EPC2: variants seen among roughly 807,000 people sequenced by gnomAD.
EPC2 encodes enhancer of polycomb homolog 2.
Under a neutral mutation model 92.1 loss-of-function variants are expected in EPC2, and 14 were observed. The observed-to-expected ratio is 0.15, with a 90% CI of 0.10 to 0.24. The LOEUF is 0.24. EPC2 is among the 10% of genes least tolerant of loss of function. The pLI, the probability that EPC2 is intolerant of heterozygous loss-of-function variation, is 1.00. For synonymous variants in EPC2, 340 were observed against 334.7 expected, an observed-to-expected ratio of 1.02 and a Z score of -0.17; for missense variants, 755 against 971.5, an observed-to-expected ratio of 0.78 and a Z score of 2.96.
chr2:148,689,599 G>A (rs774062107), intron 1 of EPC2, among the ~76,000 whole-genome samples: 14 of 152,136 alleles, frequency 9.2e-5, no homozygotes, highest in Non-Finnish European at 1.5e-4. Context: ...GGGCCATTGT[G>A]GGGGAAGGGA....
chr2:148,681,106 A>G (rs1004228214), intron 1 of EPC2, among the ~76,000 whole-genome samples: 3 of 152,230 alleles, frequency 2.0e-5, no homozygotes, highest in African/African-American at 7.2e-5. Context: ...ACTGGGGACA[A>G]AGTGGTAGAT....
intron 2 of EPC2, among the ~76,000 whole-genome samples, chr2:148,716,627 G>T (rs1320300096): frequency 1.3e-5 from 2 of 152,172 alleles, no homozygotes; most frequent in Non-Finnish European, 2.9e-5. Context: ...TTTTTGATGT[G>T]CTGCTAGATT....
chr2:148,707,528 A>G (rs1471403150), intron 2 of EPC2, among the ~76,000 whole-genome samples: 2 of 152,224 alleles, frequency 1.3e-5, no homozygotes, highest in Non-Finnish European at 2.9e-5. Context: ...TCTCCACCCC[A>G]AATCAACAGA....
At chr2:148,776,085 T>G (rs900938387) in intron 10 of EPC2, among the ~76,000 whole-genome samples, 1 of 151,898 alleles carries the variant, frequency 6.6e-6, no homozygotes, top group Admixed American at 6.6e-5. Flanking sequence ...CCGGCCAATA[T>G]GACTAATTTC....
intron 2 of EPC2, among the ~76,000 whole-genome samples, chr2:148,736,052 C>G (rs1022642538): frequency 3.3e-5 from 5 of 152,020 alleles, no homozygotes; most frequent in Non-Finnish European, 7.4e-5. Flanking sequence ...TAATGTAAAT[C>G]AAGCAGGAAT....
At chr2:148,686,605 G>A (rs1681531264) in intron 1 of EPC2, among the ~76,000 whole-genome samples, 1 of 152,172 alleles carries the variant, frequency 6.6e-6, no homozygotes, top group South Asian at 2.1e-4. Context: ...TTACAAAATG[G>A]ATTTCTTAAA....
intron 2 of EPC2, among the ~76,000 whole-genome samples, chr2:148,739,833 CTTTTTTT>C (rs144868417): frequency 6.2e-5 from 5 of 81,294 alleles, no homozygotes; most frequent in African/African-American, 9.2e-5. Flanking sequence ...TCTTCTTCTT[CTTTTTTT>C]TTTTTTTTTT....
At chr2:148,672,083 C>G (rs1681165614) in intron 1 of EPC2, among the ~76,000 whole-genome samples, 1 of 152,046 alleles carries the variant, frequency 6.6e-6, no homozygotes, top group African/African-American at 2.4e-5. Context: ...TGGTCCTAGG[C>G]TTTTCTTTGT....
chr2:148,713,106 C>A (rs1682185986), intron 2 of EPC2, among the ~76,000 whole-genome samples: 1 of 152,156 alleles, frequency 6.6e-6, no homozygotes, highest in African/African-American at 2.4e-5. Context: ...CTATTCTATA[C>A]TTTTTAATCG....
intron 1 of EPC2, among the ~76,000 whole-genome samples, chr2:148,658,590 T>G (rs1003275031): frequency 1.1e-4 from 11 of 98,414 alleles, no homozygotes; most frequent in Middle Eastern, 4.4e-3. Flanking sequence ...TAATGAAGAT[T>G]AGCTGTGTGT....
chr2:148,779,351 G>T (rs1286477233), intron 10 of EPC2, among the ~76,000 whole-genome samples: 2 of 152,168 alleles, frequency 1.3e-5, no homozygotes, highest in Admixed American at 6.5e-5. Flanking sequence ...GGAGACTGAG[G>T]CAGGAAGATC....
At chr2:148,689,855 A>C (rs1337724789) in intron 1 of EPC2, among the ~76,000 whole-genome samples, 1 of 152,212 alleles carries the variant, frequency 6.6e-6, no homozygotes, top group East Asian at 1.9e-4. Context: ...ATACAAATTT[A>C]TTTCCTGTAA....
At chr2:148,669,821 C>T (rs1681120481) in intron 1 of EPC2, among the ~76,000 whole-genome samples, 1 of 152,124 alleles carries the variant, frequency 6.6e-6, no homozygotes, top group Non-Finnish European at 1.5e-5. Flanking sequence ...ACTACTGAAT[C>T]AGTATTTTTT....
In EPC2 at chr2:148,644,769, G is replaced by A; in HGVS notation, c.-249G>A. The A allele has an allele frequency of 1.2e-5, 5 of 416,534 alleles. No homozygotes were observed. The South Asian group carries it at 1.4e-4, about 12-fold the overall frequency. 25.8% of individuals were successfully genotyped at this position (416,534 alleles called of 1,614,324 possible). On this transcript the variant is annotated 5_prime_UTR_variant, in exon 1 of 14. Coordinates refer to ENST00000258484, the MANE Select transcript of EPC2 (RefSeq NM_015630.4). The stretch of plus-strand genomic sequence containing the variant: ...CCGCTGTGGTAATGTCCGCCATGTT[G>A]GCCATGGCGCAGGGAGCGGATCGGG...
chr2:148,670,223 G>A (rs1268008848), intron 1 of EPC2, among the ~76,000 whole-genome samples: 1 of 152,156 alleles, frequency 6.6e-6, no homozygotes, highest in South Asian at 2.1e-4. Flanking sequence ...TTCTCTTAAA[G>A]AGCACTGGCC....
intron 2 of EPC2, among the ~76,000 whole-genome samples, chr2:148,691,143 A>G (rs1681637448): frequency 6.6e-6 from 1 of 152,192 alleles, no homozygotes; most frequent in East Asian, 1.9e-4. Context: ...CACCACCTCT[A>G]GCGTGAAGAC....
At chr2:148,773,092 T>A (rs78146744) in intron 10 of EPC2, among the ~76,000 whole-genome samples, 1 of 152,222 alleles carries the variant, frequency 6.6e-6, no homozygotes, top group Non-Finnish European at 1.5e-5. Context: ...AACTCTAGAT[T>A]TAACTTGACT....
intron 2 of EPC2, chr2:148,692,463 T>G (rs1681665168): frequency 2.0e-5 from 3 of 152,258 alleles, no homozygotes; most frequent in Admixed American, 2.0e-4. Flanking sequence ...TGAATTGTTT[T>G]AAAATGGCTT....
Position 148,690,218 on chromosome 2 carries a change from A to G in EPC2, c.158A>G (p.His53Arg). The G allele has an allele frequency of 1.3e-6, 2 of 1,591,392 alleles. No individual in the cohort carries two copies. Among genetic ancestry groups the G allele is most frequent in the South Asian group, 1.2e-5 (1 of 86,116 alleles). The change falls in exon 2 of 14, where the codon CAT (histidine) becomes CGT (arginine). Residue 53 changes from histidine (H) to arginine (R), a missense_variant. Around this residue, in one of 4 missense-constraint regions of EPC2, gnomAD observed 36 missense variants for 84.0 expected, o/e 0.43. Coordinates refer to ENST00000258484, the MANE Select transcript of EPC2 (RefSeq NM_015630.4). ...TGMEKEEESE[H>R]HLQRAISAQQ... ...TGCCTACTTTACATTTTCCAGGAAC[A>G]TCATTTACAGCGAGCAATTTCAGCA...
Sources: allele counts gnomAD v4.1 joint callset (sites outside exome capture counted in the v4.1 genomes callset), GRCh38; gene constraint gnomAD v4.1.1; regional missense constraint gnomAD v4.1.1; transcripts MANE v1.5; gene names NCBI Gene and HGNC (gene_info 2026-07-23, HGNC 2026-07-21).